MSRA: variants seen among roughly 807,000 people sequenced by gnomAD.
MSRA encodes methionine sulfoxide reductase A.
MSRA carries 54 observed loss-of-function variants against 31.3 expected under a neutral mutation model. That is an observed-to-expected ratio of 1.73 (90% CI 1.39 to 2.17). The LOEUF is 2.17. MSRA is among the 30% of genes most tolerant of loss of function. The probability of loss-of-function intolerance (pLI) is 0.00; values close to 1 mark genes in which losing one functional copy is unlikely to be tolerated. For missense variants in MSRA, 507 were observed against 300.9 expected, an observed-to-expected ratio of 1.69 and a Z score of -5.07; for synonymous variants, 169 against 116.5, an observed-to-expected ratio of 1.45 and a Z score of -2.90.
chr8:10,057,352 G>A (rs1802433487), intron 1 of MSRA, among the ~76,000 whole-genome samples: 1 of 152,196 alleles, frequency 6.6e-6, no homozygotes, highest in Admixed American at 6.5e-5. Context: ...ACTTGGGAAT[G>A]AGGGACAAGG....
chr8:10,221,297 G>A (rs1345176813), intron 2 of MSRA, among the ~76,000 whole-genome samples: 4 of 152,088 alleles, frequency 2.6e-5, no homozygotes, highest in Admixed American at 2.6e-4. Flanking sequence ...TGAAGTTTTT[G>A]TCCCCATTTT....
intron 5 of MSRA, among the ~76,000 whole-genome samples, chr8:10,420,738 G>A (rs12677754): frequency 0.14 from 21,854 of 152,074 alleles, 2,785 homozygotes; most frequent in East Asian, 0.52. Flanking sequence ...TCGGGGAACA[G>A]GGAAGTTTTA....
At chr8:10,076,216 G>T (rs958957546) in intron 1 of MSRA, among the ~76,000 whole-genome samples, 1 of 152,244 alleles carries the variant, frequency 6.6e-6, no homozygotes, top group African/African-American at 2.4e-5. Context: ...CCTGCCAGTT[G>T]CACAGAATGT....
chr8:10,099,269 G>A (rs1201914739), intron 1 of MSRA, among the ~76,000 whole-genome samples: 1 of 152,212 alleles, frequency 6.6e-6, no homozygotes, highest in Admixed American at 6.5e-5. Context: ...GCCCAGGCGT[G>A]AGGCAGAGCT....
intron 5 of MSRA, among the ~76,000 whole-genome samples, chr8:10,425,534 C>T (rs1411074392): frequency 6.6e-6 from 1 of 152,240 alleles, no homozygotes; most frequent in East Asian, 1.9e-4. Flanking sequence ...CTGGAGACCG[C>T]AGCTGTGCCT....
intron 1 of MSRA, among the ~76,000 whole-genome samples, chr8:10,186,946 C>T (rs539222928): frequency 2.0e-4 from 30 of 152,222 alleles, no homozygotes; most frequent in African/African-American, 6.5e-4. Flanking sequence ...TCAGTCATTC[C>T]GATTGTTGAT....
intron 1 of MSRA, among the ~76,000 whole-genome samples, chr8:10,069,839 T>C (rs953003869): frequency 6.6e-6 from 1 of 152,224 alleles, no homozygotes. Flanking sequence ...CTACTCTTAG[T>C]CTGCTGAGAG....
intron 5 of MSRA, among the ~76,000 whole-genome samples, chr8:10,372,911 C>T (rs754232916): frequency 2.0e-5 from 3 of 152,202 alleles, no homozygotes; most frequent in Non-Finnish European, 2.9e-5. Context: ...TTATTTGAGG[C>T]GGAATCTTGC....
chr8:10,261,372 G>T (rs1480810205), intron 3 of MSRA, among the ~76,000 whole-genome samples: 3 of 143,628 alleles, frequency 2.1e-5, no homozygotes, highest in South Asian at 2.4e-4. Flanking sequence ...TTCATGAAGG[G>T]TATATAATCT....
chr8:10,278,385 T>C (rs71516565), intron 3 of MSRA, among the ~76,000 whole-genome samples: 5,589 of 152,342 alleles, frequency 0.037, 156 homozygotes, highest in South Asian at 0.11. Context: ...GGCTCGCACA[T>C]GCACAGGTTG....
At chr8:10,253,750 G>GC (rs987601624) in intron 3 of MSRA, among the ~76,000 whole-genome samples, 3 of 151,820 alleles carry the variant, frequency 2.0e-5, no homozygotes, top group African/African-American at 7.3e-5. Flanking sequence ...ACCTTATGGG[G>GC]GTCAGGGGGT....
At chr8:10,309,327 G>C (rs556528113) in intron 4 of MSRA, among the ~76,000 whole-genome samples, 1 of 152,272 alleles carries the variant, frequency 6.6e-6, no homozygotes, top group Non-Finnish European at 1.5e-5. Flanking sequence ...GGAGCCTGCC[G>C]TGCAGAGCGT....
At chr8:10,150,755 A>T in intron 1 of MSRA, among the ~76,000 whole-genome samples, 1 of 152,108 alleles carries the variant, frequency 6.6e-6, no homozygotes, top group East Asian at 1.9e-4. Context: ...CCCGTGTGTG[A>T]CAAGCGCGCA....
intron 2 of MSRA, among the ~76,000 whole-genome samples, chr8:10,237,419 TAAAC>T (rs1219270800): frequency 6.6e-6 from 1 of 152,262 alleles, no homozygotes; most frequent in Admixed American, 6.5e-5. Flanking sequence ...AATTTACAAA[TAAAC>T]TTGTGTGTCC....
chr8:10,309,161 G>A (rs1397441215), intron 4 of MSRA, among the ~76,000 whole-genome samples: 1 of 152,224 alleles, frequency 6.6e-6, no homozygotes, highest in African/African-American at 2.4e-5. Flanking sequence ...TCATCATGAG[G>A]TAAAATCACA....
chr8:10,149,758 A>G (rs945441906), intron 1 of MSRA, among the ~76,000 whole-genome samples: 17 of 150,704 alleles, frequency 1.1e-4, no homozygotes, highest in Admixed American at 7.3e-4. Context: ...AAATAATAGC[A>G]CAGTTGGCAG....
chr8:10,074,682 A>C (rs568925534), intron 1 of MSRA, among the ~76,000 whole-genome samples: 1 of 151,180 alleles, frequency 6.6e-6, no homozygotes, highest in African/African-American at 2.4e-5. Flanking sequence ...TTTTTTTGAC[A>C]CAGTCTTGCT....
chr8:10,156,298 C>T (rs1049672744), intron 1 of MSRA, among the ~76,000 whole-genome samples: 1 of 152,136 alleles, frequency 6.6e-6, no homozygotes, highest in African/African-American at 2.4e-5. Context: ...GGTATTGAAT[C>T]ACCCTTTCCT....
In MSRA at chr8:10,428,212, A is replaced by G. The variant is rs1013986677; in HGVS notation, c.608A>G (p.Tyr203Cys). The change falls in exon 6 of 6, where the codon TAT becomes TGT. Residue 203 changes from tyrosine to cysteine, a missense_variant. Transcript: ENST00000317173. ...ATCCGGGAGGGACAGACTTTCTACT[A>G]TGCGGAAGACTACCACCAGCAGTAC... ...TDIREGQTFY[Y>C]AEDYHQQYLS... 3.1e-6 allele frequency: 5 copies of G among 1,614,042 alleles called. No individual in the cohort carries two copies. Among genetic ancestry groups the G allele is most frequent in the African/African-American group, 1.3e-5 (1 of 74,916 alleles).
Sources: allele counts gnomAD v4.1 joint callset (sites outside exome capture counted in the v4.1 genomes callset), GRCh38; gene constraint gnomAD v4.1.1; transcripts MANE v1.5; gene names NCBI Gene and HGNC (gene_info 2026-07-23, HGNC 2026-07-21).